The following KIDINS220 variants were observed in gnomAD, a reference collection of about 807,000 sequenced individuals.
KIDINS220 encodes kinase D-interacting substrate of 220 kDa.
A neutral mutation model predicts 157.6 loss-of-function variants in KIDINS220; 63 were observed. The observed-to-expected ratio is 0.40, with a 90% CI of 0.33 to 0.49. KIDINS220 has a LOEUF of 0.49. Among genes scored for constraint, KIDINS220 ranks in the 20% least tolerant of loss-of-function variants. KIDINS220 has a pLI of 0.66. For missense variants in KIDINS220, 1,772 were observed against 2,171.2 expected (o/e 0.82, Z 3.65); for synonymous variants, 732 against 783.6 (o/e 0.93, Z 1.10).
Position 8,803,069 on chromosome 2 carries a change from T to C in KIDINS220, c.662A>G (p.Glu221Gly). Residue 221 changes from glutamate (E) to glycine (G), a missense_variant, in exon 8 of 30, where the codon GAA becomes GGA. Coordinates refer to ENST00000256707, the MANE Select transcript of KIDINS220 (RefSeq NM_020738.4). ...TACATTTGGATTCCTCTTCAAAATT[T>C]CTTTTACTGACTGTGTGTAACCTCC... ...VKGGYTQSVK[E>G]ILKRNPNVNL... The C allele has an allele frequency of 6.2e-7, 1 of 1,613,182 alleles. No homozygotes were observed.
At chr2:8,828,166 C>T (rs570133702) in intron 1 of KIDINS220, among the ~76,000 whole-genome samples, 17 of 152,350 alleles carry the variant, frequency 1.1e-4, no homozygotes, top group African/African-American at 4.1e-4. Context: ...CACCCCCTCT[C>T]ACCCTCCTGG....
intron 22 of KIDINS220, among the ~76,000 whole-genome samples, chr2:8,762,020 C>T (rs1457938865): frequency 6.6e-6 from 1 of 152,126 alleles, no homozygotes; most frequent in Admixed American, 6.5e-5. Context: ...AAATTGAATT[C>T]TTTAATAATC....
intron 2 of KIDINS220, among the ~76,000 whole-genome samples, chr2:8,822,222 T>C (rs1188812739): frequency 6.6e-6 from 1 of 152,184 alleles, no homozygotes; most frequent in African/African-American, 2.4e-5. Flanking sequence ...GAGACCTAAA[T>C]AACCACTGGT....
chr2:8,769,076 G>C (rs1464805141), intron 22 of KIDINS220, among the ~76,000 whole-genome samples: 1 of 152,248 alleles, frequency 6.6e-6, no homozygotes, highest in East Asian at 1.9e-4. Flanking sequence ...GCCAAATGCC[G>C]AAGTTTAAAG....
At chr2:8,833,473 ATT>A (rs1465470715) in intron 1 of KIDINS220, among the ~76,000 whole-genome samples, 15 of 128,042 alleles carry the variant, frequency 1.2e-4, no homozygotes, top group African/African-American at 4.2e-4. Flanking sequence ...TGTTTTTTAA[ATT>A]TGTCTTTTTT....
intron 27 of KIDINS220, among the ~76,000 whole-genome samples, chr2:8,736,301 C>T (rs1475902929): frequency 6.6e-6 from 1 of 152,176 alleles, no homozygotes; most frequent in African/African-American, 2.4e-5. Context: ...AGCCAACTTC[C>T]TGATAGCTGC....
chr2:8,741,621 A>G (rs970771500), intron 26 of KIDINS220, among the ~76,000 whole-genome samples: 3 of 152,174 alleles, frequency 2.0e-5, no homozygotes, highest in Non-Finnish European at 4.4e-5. Flanking sequence ...AAACACAAGT[A>G]CTAAACTACT....
At chr2:8,834,377 AGTGACTTTCT>A (rs1413449177) in intron 1 of KIDINS220, among the ~76,000 whole-genome samples, 3 of 151,788 alleles carry the variant, frequency 2.0e-5, no homozygotes, top group African/African-American at 7.3e-5. Context: ...CTCAGGCCAC[AGTGACTTTCT>A]GTACATACGT....
In KIDINS220 at chr2:8,793,894, A is replaced by G; in HGVS notation, c.1192T>C (p.Tyr398His). The change falls in exon 12 of 30, where the codon TAT becomes CAT. Residue 398 changes from tyrosine to histidine, a missense_variant. By Grantham distance (83) the Tyr-to-His change is moderately conservative. Transcript: ENST00000256707. ...LRNPKDGRLL[Y>H]RPNKAGETPY... ...GTCTCGCCTGCTTTGTTGGGCCTATAAAGTAATCGCCCATCTTTGGGATTT... is the reference window on the plus strand; with the variant it reads ...GTCTCGCCTGCTTTGTTGGGCCTATGAAGTAATCGCCCATCTTTGGGATTT... 6.2e-7 allele frequency: 1 copy of G among 1,613,990 alleles called. No individual in the cohort carries two copies. The highest frequency in any genetic ancestry group is 1.1e-5 in the South Asian group (1 of 91,044).
intron 22 of KIDINS220, 64 bp downstream of exon 22, chr2:8,770,606 G>A (rs1321874114): frequency 1.4e-5 from 10 of 719,720 alleles, no homozygotes; most frequent in Middle Eastern, 3.7e-4. Flanking sequence ...CTTTATACGC[G>A]TTTTTTTTTT....
intron 12 of KIDINS220, 118 bp downstream of exon 12, chr2:8,793,692 G>T: frequency 1.1e-6 from 1 of 875,368 alleles, no homozygotes; most frequent in Non-Finnish European, 1.7e-6. Context: ...TCCCACCTCG[G>T]CCTCCTCAAG....
At chr2:8,744,892 C>G (rs73153151) in intron 26 of KIDINS220, among the ~76,000 whole-genome samples, 10,992 of 152,130 alleles carry the variant, frequency 0.072, 1,117 homozygotes, top group African/African-American at 0.23. Context: ...ATTTGTTATG[C>G]TAATCATAAA....
At chr2:8,794,079 ATC>A (rs1240995087) in intron 11 of KIDINS220, 92 bp from the exon 12 acceptor site, 1 of 994,578 alleles carries the variant, frequency 1.0e-6, no homozygotes, top group African/African-American at 1.6e-5. Flanking sequence ...AAATAACAAA[ATC>A]TGAACTTTTC....
chr2:8,736,850 T>C lies in KIDINS220; in HGVS notation c.3717+18A>G. 1.2e-6 allele frequency: 2 copies of C among 1,613,850 alleles called. No individual in the cohort carries two copies. The highest frequency in any genetic ancestry group is 2.2e-5 in the South Asian group (2 of 91,054). On this transcript the variant is annotated intron_variant, in intron 27 of 29. Coordinates refer to ENST00000256707, the MANE Select transcript of KIDINS220 (RefSeq NM_020738.4). ...CCCCCAGCGCTGTCTCTGGTCCGTG[T>C]GTAAGTGGCTGCCTCACCTTTTTGA...
chr2:8,820,738 A>C (rs1434695986), intron 2 of KIDINS220, among the ~76,000 whole-genome samples: 4 of 152,160 alleles, frequency 2.6e-5, no homozygotes, highest in Admixed American at 1.3e-4. Flanking sequence ...GATAATCATC[A>C]CTCTGAAAAG....
intron 26 of KIDINS220, among the ~76,000 whole-genome samples, chr2:8,738,547 A>G (rs1053366673): frequency 6.6e-6 from 1 of 152,260 alleles, no homozygotes. Flanking sequence ...GGAAGGGCAT[A>G]GCATCACTCC....
chr2:8,800,320 G>A (rs1674516623), intron 9 of KIDINS220, 80 bp downstream of exon 9: 2 of 811,150 alleles, frequency 2.5e-6, no homozygotes, highest in African/African-American at 1.7e-5. Context: ...ATAGGAAAGT[G>A]GGAAGAATAA....
chr2:8,767,109 T>C (rs533214837), intron 22 of KIDINS220, among the ~76,000 whole-genome samples: 1 of 152,336 alleles, frequency 6.6e-6, no homozygotes, highest in Non-Finnish European at 1.5e-5. Flanking sequence ...AAAAACCTGC[T>C]TAGTTTCCTC....
At chr2:8,739,764 A>G (rs1665385050) in intron 26 of KIDINS220, among the ~76,000 whole-genome samples, 1 of 152,250 alleles carries the variant, frequency 6.6e-6, no homozygotes, top group Non-Finnish European at 1.5e-5. Flanking sequence ...GAATTTGTTA[A>G]AATTTTTTTA....
Sources: allele counts gnomAD v4.1 joint callset (sites outside exome capture counted in the v4.1 genomes callset), GRCh38; gene constraint gnomAD v4.1.1; transcripts MANE v1.5; gene names NCBI Gene and HGNC (gene_info 2026-07-23, HGNC 2026-07-21).